Variants in NLGN4X observed in about 807,000 individuals in gnomAD.
The protein encoded by NLGN4X is neuroligin-4, X-linked.
In NLGN4X, 3 loss-of-function variants were observed where a neutral mutation model predicts 40.3. That is an observed-to-expected ratio of 0.07 (90% CI 0.03 to 0.19). The LOEUF (loss-of-function observed/expected upper bound fraction) is 0.19. NLGN4X is among the 10% of genes least tolerant of loss of function. The pLI, the probability that NLGN4X is intolerant of heterozygous loss-of-function variation, is 1.00. For synonymous variants in NLGN4X, 270 were observed against 306.8 expected (o/e 0.88, Z 1.25); for missense variants, 382 against 708.3 (o/e 0.54, Z 5.23).
chrX:6,010,067 C>T (rs1271192682), intron 3 of NLGN4X, among the ~76,000 whole-genome samples: 1 of 112,099 alleles, frequency 8.9e-6, no homozygotes, highest in Non-Finnish European at 1.9e-5. Context: ...TACTGCTAAC[C>T]ATGAATAAGA....
chrX:6,129,802 T>A (rs754332864), intron 2 of NLGN4X, among the ~76,000 whole-genome samples: 4 of 104,296 alleles, frequency 3.8e-5, no homozygotes, highest in African/African-American at 1.4e-4. Flanking sequence ...GTGAAATGTT[T>A]AAAAAAAAAA....
At chrX:6,186,966 A>G (rs1922066739) in intron 1 of NLGN4X, 1 of 110,558 alleles carries the variant, frequency 9.0e-6, no homozygotes, top group Admixed American at 9.6e-5. Context: ...TAAAGGAAAT[A>G]TAAACTCTAA....
chrX:6,113,694 CAA>C (rs749113403), intron 2 of NLGN4X, among the ~76,000 whole-genome samples: 7 of 91,671 alleles, frequency 7.6e-5, no homozygotes, highest in Admixed American at 1.2e-4. Context: ...GTGCTTGTTT[CAA>C]AAAAAAAAAA....
At chrX:6,088,304 T>C (rs2038549342) in intron 2 of NLGN4X, among the ~76,000 whole-genome samples, 1 of 112,105 alleles carries the variant, frequency 8.9e-6, no homozygotes. Flanking sequence ...GCAGAAGCCA[T>C]TTTTCATGGT....
chrX:6,209,199 G>C (rs1030976469), intron 1 of NLGN4X, among the ~76,000 whole-genome samples: 1 of 111,497 alleles, frequency 9.0e-6, no homozygotes, highest in Non-Finnish European at 1.9e-5. Flanking sequence ...TGGACACAGA[G>C]AGTGGAATAA....
chrX:6,109,532 A>G (rs943430367), intron 2 of NLGN4X, among the ~76,000 whole-genome samples: 1 of 111,995 alleles, frequency 8.9e-6, no homozygotes, highest in Non-Finnish European at 1.9e-5. Context: ...AACTAATCCT[A>G]ATGAACAAAA....
intron 3 of NLGN4X, among the ~76,000 whole-genome samples, chrX:5,966,608 G>GA (rs2034841404): frequency 8.9e-6 from 1 of 112,314 alleles, no homozygotes; most frequent in Admixed American, 9.4e-5. Context: ...ACTTAAAACT[G>GA]AAAAAATACA....
At chrX:5,980,731 C>T (rs2035361731) in intron 3 of NLGN4X, among the ~76,000 whole-genome samples, 1 of 109,744 alleles carries the variant, frequency 9.1e-6, no homozygotes, top group Non-Finnish European at 1.9e-5. Flanking sequence ...TATGTGGTGT[C>T]TCTAGTCTAT....
chrX:5,974,829 T>C (rs375074484), intron 3 of NLGN4X, among the ~76,000 whole-genome samples: 1 of 112,122 alleles, frequency 8.9e-6, no homozygotes, highest in Non-Finnish European at 1.9e-5. Flanking sequence ...TTAACAATAA[T>C]AGCTAATAAT....
At position 6,174,915 on chromosome X, in the gene NLGN4X, A is replaced by G. The variant is rs1427115886; in HGVS notation, c.-305-23144T>C. ...ATATTCCCATCTAGCAAACCTACAC[A>G]TGTACCCCCTGAATCTAAAATAAGT... is the stretch of plus-strand genomic sequence containing the variant. On this transcript the variant is annotated intron_variant, in intron 1 of 5. Transcript: ENST00000381095. Among the ~76,000 whole-genome samples the G allele has an allele frequency of 4.4e-4, 49 of 110,642 alleles. No individual in the cohort carries two copies. In the Admixed American group the frequency reaches 4.7e-3, roughly 11 times the overall value.
chrX:6,090,273 A>G (rs2038604838), intron 2 of NLGN4X, among the ~76,000 whole-genome samples: 1 of 111,426 alleles, frequency 9.0e-6, no homozygotes, highest in Non-Finnish European at 1.9e-5. Flanking sequence ...CTCTATTAAT[A>G]TATTTAGATA....
intron 2 of NLGN4X, among the ~76,000 whole-genome samples, chrX:6,117,358 C>A (rs1032630105): frequency 1.1e-4 from 12 of 110,928 alleles, no homozygotes; most frequent in Non-Finnish European, 2.3e-4. Context: ...TGGAAAAAAA[C>A]CCTCCAACCA....
intron 1 of NLGN4X, among the ~76,000 whole-genome samples, chrX:6,152,944 T>C (rs1459665557): frequency 8.9e-6 from 1 of 112,351 alleles, no homozygotes. Context: ...TTTACATAGA[T>C]AATATAACTA....
intron 3 of NLGN4X, among the ~76,000 whole-genome samples, chrX:5,986,669 C>T (rs1369601001): frequency 9.0e-6 from 1 of 111,273 alleles, no homozygotes; most frequent in Non-Finnish European, 1.9e-5. Context: ...GCACTCTAAT[C>T]GAAATACAGC....
At chrX:6,032,596 G>C in intron 2 of NLGN4X, 2 of 510,647 alleles carry the variant, frequency 3.9e-6, no homozygotes, top group Non-Finnish European at 5.9e-6. Context: ...TTTTAAATAA[G>C]GGGAGAAAAA....
At chrX:6,210,168 T>C (rs1464336298) in intron 1 of NLGN4X, among the ~76,000 whole-genome samples, 2 of 111,641 alleles carry the variant, frequency 1.8e-5, no homozygotes, top group African/African-American at 6.5e-5. Flanking sequence ...ATAGAACTAA[T>C]AATTTTACTT....
In NLGN4X at chrX:6,228,780, G is replaced by A. The variant is rs1452882942; in HGVS notation, c.-545C>T. ...AATAGTCTGTGGACGGGCAGAACAA[G>A]CATTACAATTGAAGCAGGAAGGGCC... On this transcript the variant is annotated 5_prime_UTR_variant, in exon 1 of 6. Transcript: ENST00000381095. 1 of 111,871 alleles carries A rather than the reference G, an allele frequency of 8.9e-6. No homozygotes were observed. The highest frequency in any genetic ancestry group is 1.9e-5 in the Non-Finnish European group (1 of 53,250). The allele number at this position is 111,871 out of a possible 1,213,427, so 9.2% of individuals were successfully genotyped here.
At position 6,021,089 on chromosome X, in the gene NLGN4X, TCTCC is replaced by T. The variant is rs1569190327; in HGVS notation, c.625+8187_625+8190del. On this transcript the variant is annotated intron_variant, in intron 3 of 5. Transcript: ENST00000381095. ...CCCTCCCTCCCTCCCTCTCTCTCTC[TCTCC>T]CCCTCTCCCTCTCTCTTTCTTTCTT... 8.1e-3 allele frequency among the ~76,000 whole-genome samples: 385 copies of T among 47,681 alleles called. 5 individuals are homozygous for T. Among genetic ancestry groups the T allele is most frequent in the South Asian group, 0.049 (23 of 474 alleles). The allele number at this position is 47,681 out of a possible 115,157, so 41.4% of individuals were successfully genotyped here.
chrX:5,971,847 T>C (rs1321085381), intron 3 of NLGN4X, among the ~76,000 whole-genome samples: 3 of 111,398 alleles, frequency 2.7e-5, no homozygotes, highest in Admixed American at 1.9e-4. Flanking sequence ...AAATGAGTCA[T>C]AACGTGTTTT....
Sources: gnomAD v4.1 joint callset for allele counts (sites outside exome capture counted in the v4.1 genomes callset) on GRCh38, gnomAD v4.1.1 for gene constraint, MANE v1.5 for transcripts, NCBI Gene and HGNC (gene_info 2026-07-23, HGNC 2026-07-21) for gene names.